ZDHHC5: variants seen among roughly 807,000 people sequenced by gnomAD.
ZDHHC5 encodes zDHHC palmitoyltransferase 5, also known as palmitoyltransferase ZDHHC5.
Under a neutral mutation model 70.0 loss-of-function variants are expected in ZDHHC5, and 22 were observed. The ratio of observed to expected loss-of-function variants is 0.31; its 90% CI spans 0.22 to 0.45. The LOEUF (loss-of-function observed/expected upper bound fraction) is 0.45. ZDHHC5 is among the 20% of genes least tolerant of loss of function. ZDHHC5 has a pLI of 1.00. For missense variants in ZDHHC5, 746 were observed against 926.9 expected, an observed-to-expected ratio of 0.80 and a Z score of 2.53; for synonymous variants, 313 against 347.8, an observed-to-expected ratio of 0.90 and a Z score of 1.11.
intron 1 of ZDHHC5, among the ~76,000 whole-genome samples, chr11:57,669,698 A>T (rs1340067176): frequency 6.6e-6 from 1 of 152,108 alleles, no homozygotes; most frequent in African/African-American, 2.4e-5. Context: ...ACCTCAAATG[A>T]TCCGCCCGCC....
intron 6 of ZDHHC5, among the ~76,000 whole-genome samples, chr11:57,690,733 C>T (rs901324970): frequency 6.6e-6 from 1 of 152,124 alleles, no homozygotes; most frequent in Admixed American, 6.6e-5. Context: ...TCATTCTGCG[C>T]AAACTGTCGC....
Position 57,698,919 on chromosome 11 carries a change from T to C in ZDHHC5, c.1483T>C (p.Leu495=), listed in dbSNP as rs1946395313. The C allele has an allele frequency of 1.2e-6, 2 of 1,614,114 alleles. No individual in the cohort carries two copies. Among genetic ancestry groups the C allele is most frequent in the Non-Finnish European group, 1.7e-6 (2 of 1,180,022 alleles). The stretch of plus-strand genomic sequence containing the variant: ...GGCAGGGCCTGAGCCAGACCCACCT[T>C]TAGGCTATACCTCTCCCTTCCTGTC... ...VQAGPEPDPP[L]GYTSPFLSAR... is the part of the protein sequence containing the mutation. The change falls in exon 11 of 12, where the codon TTA becomes CTA. Residue 495 remains leucine (L), a synonymous_variant. Transcript: ENST00000287169.
intron 8 of ZDHHC5, among the ~76,000 whole-genome samples, chr11:57,695,002 C>T (rs1946331481): frequency 6.6e-6 from 1 of 152,166 alleles, no homozygotes; most frequent in Non-Finnish European, 1.5e-5. Flanking sequence ...GTGGCTTATG[C>T]CTGTAATCCC....
At chr11:57,697,536 G>C (rs1235470813) in intron 10 of ZDHHC5, among the ~76,000 whole-genome samples, 1 of 151,552 alleles carries the variant, frequency 6.6e-6, no homozygotes, top group South Asian at 2.1e-4. Context: ...CCAGCTATTC[G>C]GGAGGCTGAG....
intron 6 of ZDHHC5, among the ~76,000 whole-genome samples, chr11:57,692,081 A>G (rs901689704): frequency 1.4e-4 from 22 of 151,970 alleles, no homozygotes; most frequent in African/African-American, 5.1e-4. Flanking sequence ...CAGTGGCACG[A>G]TCTCGGCTCA....
intron 8 of ZDHHC5, among the ~76,000 whole-genome samples, chr11:57,695,334 C>T (rs1231791565): frequency 6.6e-6 from 1 of 151,688 alleles, no homozygotes. Context: ...GCATGAGAAT[C>T]GCTTGAACCT....
Position 57,700,043 on chromosome 11 carries a change from C to G in ZDHHC5, c.*12C>G, listed in dbSNP as rs765382865. 23 of 1,556,040 alleles carry G rather than the reference C, an allele frequency of 1.5e-5. No homozygotes were observed. The highest frequency in any genetic ancestry group is 2.0e-5 in the Non-Finnish European group (23 of 1,152,546). On this transcript the variant is annotated 3_prime_UTR_variant, in exon 12 of 12. Coordinates refer to ENST00000287169, the MANE Select transcript of ZDHHC5 (RefSeq NM_015457.3). ...AGATTTCGGTGTGAGCCTTCGGCAC[C>G]TCCCCTCCCCAACGCCTCTGCGCCT... is the stretch of plus-strand genomic sequence containing the variant.
chr11:57,673,542 A>G (rs1946033184), intron 2 of ZDHHC5, among the ~76,000 whole-genome samples: 1 of 152,212 alleles, frequency 6.6e-6, no homozygotes, highest in Admixed American at 6.5e-5. Flanking sequence ...TAAGCAGTCA[A>G]TTCTATGAGA....
In ZDHHC5 at chr11:57,672,479, A is replaced by G. The variant is rs922296859; in HGVS notation, c.-612A>G. The G allele has an allele frequency of 2.4e-5, 9 of 370,628 alleles. No individual in the cohort carries two copies. Among genetic ancestry groups the G allele is most frequent in the African/African-American group, 6.2e-5 (3 of 48,058 alleles). The allele number at this position is 370,628 out of a possible 1,614,324, so 23.0% of individuals were successfully genotyped here. ...AGTGGTGGCATTGAGAAGACTACCT[A>G]AAAGAGACAAAGACTGCAGTAAACA... On this transcript the variant is annotated 5_prime_UTR_variant, in exon 2 of 12. Coordinates refer to ENST00000287169, the MANE Select transcript of ZDHHC5 (RefSeq NM_015457.3).
chr11:57,689,733 T>C (rs1326801954), intron 4 of ZDHHC5, among the ~76,000 whole-genome samples: 1 of 149,406 alleles, frequency 6.7e-6, no homozygotes, highest in East Asian at 2.0e-4. Context: ...CCCAGTACAG[T>C]GGCTATTCAC....
At chr11:57,693,531 G>A (rs1946312331) in intron 7 of ZDHHC5, among the ~76,000 whole-genome samples, 1 of 152,136 alleles carries the variant, frequency 6.6e-6, no homozygotes, top group Admixed American at 6.5e-5. Flanking sequence ...GTAAATCTTT[G>A]AGAATTGAGG....
intron 3 of ZDHHC5, among the ~76,000 whole-genome samples, chr11:57,683,308 G>T (rs1233785613): frequency 2.0e-5 from 3 of 152,186 alleles, no homozygotes. Context: ...AAAATAATTC[G>T]TGTAAGAATT....
chr11:57,690,275 A>G (rs1946265203), intron 5 of ZDHHC5, 60 bp from the exon 6 acceptor site: 2 of 1,613,376 alleles, frequency 1.2e-6, no homozygotes. Context: ...AAATGGCTGC[A>G]GTAGGGGCCG....
rs573427239 is a variant in ZDHHC5 at position 57,685,467 on chromosome 11, C to T, written c.226+2924C>T. 9.9e-5 allele frequency among the ~76,000 whole-genome samples: 15 copies of T among 151,280 alleles called. No individual in the cohort carries two copies. In the South Asian group the frequency reaches 2.7e-3, roughly 28 times the overall value. On this transcript the variant is annotated intron_variant, in intron 3 of 11. Transcript: ENST00000287169. ...TTCGAGACCAGCCTGGCCAACATGGCGAAACCCCGTCTCTACTAAAAATAT... is the reference window on the plus strand; with the variant it reads ...TTCGAGACCAGCCTGGCCAACATGGTGAAACCCCGTCTCTACTAAAAATAT...
rs1398278059 is a variant in ZDHHC5 at position 57,693,932 on chromosome 11, A to G, written c.885+17A>G. 2 of 1,602,862 alleles carry G rather than the reference A, an allele frequency of 1.2e-6. No homozygotes were observed. The highest frequency in any genetic ancestry group is 3.5e-5 in the Admixed American group (2 of 57,330). On this transcript the variant is annotated intron_variant, in intron 8 of 11. Coordinates refer to ENST00000287169, the MANE Select transcript of ZDHHC5 (RefSeq NM_015457.3). ...AGAACAAAGGTGAGGAATTTAGAGA[A>G]GTCAAGCTAGATAACATGGAAGTCT... is the stretch of plus-strand genomic sequence containing the variant.
chr11:57,689,677 A>ATTT (rs10561191), intron 4 of ZDHHC5, among the ~76,000 whole-genome samples: 5 of 135,542 alleles, frequency 3.7e-5, no homozygotes, highest in African/African-American at 8.2e-5. Flanking sequence ...CGCCCGGCCA[A>ATTT]TTTTTTTTTT....
chr11:57,696,924 C>T (rs1946360351), intron 10 of ZDHHC5, 51 bp downstream of exon 10: 5 of 1,572,704 alleles, frequency 3.2e-6, no homozygotes, highest in Non-Finnish European at 3.5e-6. Flanking sequence ...TGGCCAGGCA[C>T]AGTGGCTCAT....
chr11:57,699,003 C>T lies in ZDHHC5; in HGVS notation c.1567C>T (p.Pro523Ser). 1.2e-6 allele frequency: 2 copies of T among 1,609,216 alleles called. No homozygotes were observed. The highest frequency in any genetic ancestry group is 1.7e-4 in the Middle Eastern group (1 of 6,060). ...GCACCCACGTTTGGTGCCAACTGGCCCAACACACCGAGAGCCCTCACCAGT... is the reference window on the plus strand; with the variant it reads ...GCACCCACGTTTGGTGCCAACTGGCTCAACACACCGAGAGCCCTCACCAGT... ...ERHPRLVPTG[P>S]THREPSPVRY... The change falls in exon 11 of 12, where the codon CCA (proline) becomes TCA (serine). Residue 523 changes from proline (P) to serine (S), a missense_variant. Transcript: ENST00000287169.
At chr11:57,668,752 C>G (rs1163345496) in intron 1 of ZDHHC5, among the ~76,000 whole-genome samples, 1 of 152,258 alleles carries the variant, frequency 6.6e-6, no homozygotes, top group African/African-American at 2.4e-5. Context: ...CTTCCTCCTC[C>G]TACCGCCACC....
Sources: gnomAD v4.1 joint callset for allele counts (sites outside exome capture counted in the v4.1 genomes callset) on GRCh38, gnomAD v4.1.1 for gene constraint, MANE v1.5 for transcripts, NCBI Gene and HGNC (gene_info 2026-07-23, HGNC 2026-07-21) for gene names.